Variants in DMD observed in about 807,000 individuals in gnomAD.
DMD encodes the protein mutant dystrophin.
Under a neutral mutation model 330.1 loss-of-function variants are expected in DMD, and 63 were observed. The ratio of observed to expected loss-of-function variants is 0.19; its 90% CI spans 0.16 to 0.24. DMD has a LOEUF of 0.24. DMD is among the 10% of genes least tolerant of loss of function. The probability of loss-of-function intolerance (pLI) is 1.00; values close to 1 mark genes in which losing one functional copy is unlikely to be tolerated. For missense variants in DMD, 3,344 were observed against 2,684.1 expected (o/e 1.25, Z -5.43); for synonymous variants, 1,223 against 959.8 (o/e 1.27, Z -5.07).
At chrX:32,664,242 T>G (rs914060352) in intron 9 of DMD, among the ~76,000 whole-genome samples, 1 of 95,204 alleles carries the variant, frequency 1.1e-5, no homozygotes, top group Non-Finnish European at 2.1e-5. Flanking sequence ...GCATAGGTTT[T>G]TTTTTTTTTT....
At chrX:31,306,199 T>A (rs756536267) in intron 62 of DMD, among the ~76,000 whole-genome samples, 12 of 110,463 alleles carry the variant, frequency 1.1e-4, no homozygotes, top group Middle Eastern at 4.7e-3. Flanking sequence ...TTTTCAAATT[T>A]AAAAAAAAAT....
intron 44 of DMD, among the ~76,000 whole-genome samples, chrX:32,008,741 G>A (rs1434695306): frequency 9.0e-6 from 1 of 111,729 alleles, no homozygotes; most frequent in Non-Finnish European, 1.9e-5. Flanking sequence ...GAGGAGTGTG[G>A]CTGTGAGCTG....
chrX:32,783,011 GTATA>G (rs1239719479), intron 7 of DMD, among the ~76,000 whole-genome samples: 9 of 95,674 alleles, frequency 9.4e-5, no homozygotes, highest in African/African-American at 3.7e-4. Flanking sequence ...ACACACACAC[GTATA>G]TATACATATA....
intron 55 of DMD, among the ~76,000 whole-genome samples, chrX:31,617,211 G>C (rs774096795): frequency 2.4e-4 from 27 of 111,716 alleles, no homozygotes; most frequent in Non-Finnish European, 4.3e-4. Context: ...AAGATAATGA[G>C]ATTAATGAAA....
chrX:32,557,882 T>A (rs1021628608), intron 16 of DMD, among the ~76,000 whole-genome samples: 7 of 110,455 alleles, frequency 6.3e-5, no homozygotes, highest in Non-Finnish European at 1.1e-4. Flanking sequence ...TTCAGGACAG[T>A]AGCCTGGTAA....
chrX:32,418,667 C>A (rs1050714586), intron 29 of DMD, among the ~76,000 whole-genome samples: 3 of 110,854 alleles, frequency 2.7e-5, no homozygotes, highest in African/African-American at 9.9e-5. Context: ...ATTTAAGGAC[C>A]ACTAAGAATG....
At chrX:33,054,490 A>G (rs2148028672) in intron 1 of DMD, among the ~76,000 whole-genome samples, 1 of 112,514 alleles carries the variant, frequency 8.9e-6, no homozygotes, top group African/African-American at 3.2e-5. Flanking sequence ...AACATAAGAC[A>G]AATTTATTCT....
At chrX:32,279,693 T>C (rs2097406013) in intron 43 of DMD, among the ~76,000 whole-genome samples, 1 of 105,195 alleles carries the variant, frequency 9.5e-6, no homozygotes, top group African/African-American at 3.5e-5. Flanking sequence ...GAGGGGGAGG[T>C]TGAAATGGTT....
chrX:33,195,732 T>TTTTGTGTG (rs544564743), intron 1 of DMD, among the ~76,000 whole-genome samples: 1 of 97,703 alleles, frequency 1.0e-5, no homozygotes, highest in Admixed American at 1.2e-4. Context: ...CTGTTCTATT[T>TTTTGTGTG]TGTGTGTGTG....
At chrX:33,242,041 C>T (rs997273230) in intron 1 of DMD, among the ~76,000 whole-genome samples, 9 of 112,064 alleles carry the variant, frequency 8.0e-5, no homozygotes, top group African/African-American at 1.6e-4. Context: ...GGATTACAGG[C>T]GTGAGCCACC....
chrX:32,980,076 G>A (rs12845050), intron 2 of DMD, among the ~76,000 whole-genome samples: 45,511 of 109,220 alleles, frequency 0.42, 7,066 homozygotes, highest in African/African-American at 0.51. Context: ...TTGAAAATGG[G>A]GTACAGGGGC....
At chrX:31,896,482 T>C (rs1189861593) in intron 47 of DMD, among the ~76,000 whole-genome samples, 1 of 111,834 alleles carries the variant, frequency 8.9e-6, no homozygotes, top group African/African-American at 3.2e-5. Flanking sequence ...ATGTATGTGG[T>C]TATCTGTCAT....
chrX:31,266,729 C>T, intron 62 of DMD: 1 of 1,015,748 alleles, frequency 9.8e-7, no homozygotes, highest in Non-Finnish European at 1.4e-6. Context: ...CAAGTTTTGA[C>T]CGCCTCAGCT....
chrX:31,945,383 C>T (rs2095072728), intron 45 of DMD, among the ~76,000 whole-genome samples: 1 of 111,756 alleles, frequency 8.9e-6, no homozygotes, highest in East Asian at 2.8e-4. Context: ...GTCACCCAGG[C>T]TGGGGTGCAG....
chrX:32,042,894 G>A (rs1283632169), intron 44 of DMD, among the ~76,000 whole-genome samples: 1 of 112,043 alleles, frequency 8.9e-6, no homozygotes, highest in Non-Finnish European at 1.9e-5. Flanking sequence ...TAGTGTTTGT[G>A]GAAATGTTCT....
At chrX:31,428,216 G>A (rs1036746617) in intron 60 of DMD, among the ~76,000 whole-genome samples, 1 of 111,640 alleles carries the variant, frequency 9.0e-6, no homozygotes, top group African/African-American at 3.3e-5. Flanking sequence ...GATCCCTCAC[G>A]AATGGCTCAG....
intron 9 of DMD, among the ~76,000 whole-genome samples, chrX:32,681,489 T>G (rs1454635770): frequency 2.7e-5 from 3 of 111,663 alleles, no homozygotes; most frequent in Non-Finnish European, 5.6e-5. Flanking sequence ...TAATAATTCA[T>G]AGTAAGAGAA....
Position 33,099,463 on chromosome X carries a change from G to A in DMD, c.32-79263C>T, listed in dbSNP as rs375699221. On this transcript the variant is annotated intron_variant, in intron 1 of 78. Coordinates refer to ENST00000357033, the MANE Select transcript of DMD (RefSeq NM_004006.3). ...ACAACTTTGAATATTGTTTCTTATT[G>A]CCTCTCATAGTTTACCCATTTTAGC... Among the ~76,000 whole-genome samples, 56 of 110,830 alleles carry A rather than the reference G, an allele frequency of 5.1e-4. 1 individual carries two copies. The South Asian group carries it at 1.0e-2, about 20-fold the overall frequency.
At chrX:32,082,943 G>A (rs10521984) in intron 44 of DMD, among the ~76,000 whole-genome samples, 6,386 of 111,486 alleles carry the variant, frequency 0.057, 228 homozygotes, top group East Asian at 0.27. Flanking sequence ...GGATTTAGGC[G>A]TGGGAGTCAA....
Sources: gnomAD v4.1 joint callset for allele counts (sites outside exome capture counted in the v4.1 genomes callset) on GRCh38, gnomAD v4.1.1 for gene constraint, MANE v1.5 for transcripts, NCBI Gene and HGNC (gene_info 2026-07-23, HGNC 2026-07-21) for gene names.